FAM13A: variants seen among roughly 807,000 people sequenced by gnomAD.
FAM13A encodes family with sequence similarity 13 member A.
A neutral mutation model predicts 129.6 loss-of-function variants in FAM13A; 76 were observed. The observed-to-expected ratio is 0.59, with a 90% confidence interval of 0.49 to 0.71. The LOEUF is 0.71. Ranked by LOEUF, FAM13A falls within the 30% of genes least tolerant of loss-of-function variation. FAM13A has a pLI of 0.00. For synonymous variants in FAM13A, 443 were observed against 449.9 expected, an observed-to-expected ratio of 0.98 and a Z score of 0.20; for missense variants, 1,108 against 1,249.3, an observed-to-expected ratio of 0.89 and a Z score of 1.70.
chr4:88,997,677 T>A (rs184222537), intron 3 of FAM13A, among the ~76,000 whole-genome samples: 1 of 152,320 alleles, frequency 6.6e-6, no homozygotes, highest in East Asian at 1.9e-4. Flanking sequence ...GCCTGGACTT[T>A]TCAATGACCA....
chr4:89,010,916 T>A (rs1384552841), intron 3 of FAM13A, among the ~76,000 whole-genome samples: 1 of 152,130 alleles, frequency 6.6e-6, no homozygotes, highest in Non-Finnish European at 1.5e-5. Context: ...TGGTGCGATC[T>A]CGGTTCACTG....
intron 6 of FAM13A, among the ~76,000 whole-genome samples, chr4:88,853,869 ATCTTTC>A (rs1738040389): frequency 6.6e-6 from 1 of 152,198 alleles, no homozygotes; most frequent in Non-Finnish European, 1.5e-5. Context: ...TCAAGCCTCC[ATCTTTC>A]TCCTGTGCTG....
At chr4:88,873,630 G>A (rs1741829481) in intron 6 of FAM13A, among the ~76,000 whole-genome samples, 2 of 152,168 alleles carry the variant, frequency 1.3e-5, no homozygotes, top group Admixed American at 1.3e-4. Flanking sequence ...AACAGCCTCT[G>A]AAATTGAGGC....
chr4:88,852,886 A>G (rs1162989050), intron 6 of FAM13A, among the ~76,000 whole-genome samples: 1 of 152,318 alleles, frequency 6.6e-6, no homozygotes, highest in Admixed American at 6.5e-5. Context: ...TATAAAAACA[A>G]TATATGAAGA....
At chr4:88,806,407 AAAGAG>A (rs2149754358) in intron 7 of FAM13A, among the ~76,000 whole-genome samples, 1 of 152,254 alleles carries the variant, frequency 6.6e-6, no homozygotes, top group South Asian at 2.1e-4. Flanking sequence ...TCATTCATGA[AAAGAG>A]AAAAGTCTGC....
At chr4:89,015,446 AT>A (rs1766353354) in intron 3 of FAM13A, among the ~76,000 whole-genome samples, 1 of 152,104 alleles carries the variant, frequency 6.6e-6, no homozygotes, top group Non-Finnish European at 1.5e-5. Context: ...CAGCTTTAAA[AT>A]TTCTCTCTTT....
chr4:88,901,455 C>T (rs966486723), intron 6 of FAM13A, among the ~76,000 whole-genome samples: 2 of 152,132 alleles, frequency 1.3e-5, no homozygotes, highest in Non-Finnish European at 2.9e-5. Context: ...GACCACAGTG[C>T]AATCAAATTA....
intron 6 of FAM13A, among the ~76,000 whole-genome samples, chr4:88,883,492 C>T (rs1034974552): frequency 6.6e-6 from 1 of 151,994 alleles, no homozygotes; most frequent in South Asian, 2.1e-4. Context: ...CCTATCAAAA[C>T]CTCTGTAATA....
chr4:88,996,306 T>C (rs1763533138), intron 3 of FAM13A, among the ~76,000 whole-genome samples: 1 of 152,218 alleles, frequency 6.6e-6, no homozygotes. Context: ...GCTGCTCTGC[T>C]GAGTCTAGAC....
intron 1 of FAM13A, chr4:89,029,885 G>C: frequency 5.7e-6 from 3 of 528,328 alleles, no homozygotes; most frequent in Admixed American, 7.9e-5. Context: ...GCAGCTAAGA[G>C]AGGGAGCAAT....
At chr4:88,983,251 A>C (rs1466922338) in intron 4 of FAM13A, among the ~76,000 whole-genome samples, 1 of 152,184 alleles carries the variant, frequency 6.6e-6, no homozygotes, top group Non-Finnish European at 1.5e-5. Context: ...AATAATAGTG[A>C]AAATGAGGAG....
chr4:88,920,926 T>C (rs7698458), intron 5 of FAM13A, among the ~76,000 whole-genome samples: 113,801 of 152,006 alleles, frequency 0.75, 42,900 homozygotes, highest in Non-Finnish European at 0.79. Flanking sequence ...GGAGCCGATG[T>C]GATCAACTGG....
chr4:89,033,407 T>A (rs973995304), intron 1 of FAM13A, among the ~76,000 whole-genome samples: 1 of 152,088 alleles, frequency 6.6e-6, no homozygotes, highest in Non-Finnish European at 1.5e-5. Context: ...GCCAGTAAAG[T>A]GCTCCAGTTC....
In FAM13A at chr4:89,056,825, C is replaced by CA; in HGVS notation, c.27+112_27+113insT. ...AATTTAAGTAACAAATCTTTCCCCACCTCCTGGGAAGGAAAAATAAGTTAC... is the reference window on the plus strand; with the variant it reads ...AATTTAAGTAACAAATCTTTCCCCACACTCCTGGGAAGGAAAAATAAGTTAC... On this transcript the variant is annotated intron_variant, in intron 1 of 23. Coordinates refer to ENST00000264344, the MANE Select transcript of FAM13A (RefSeq NM_014883.4). 3.8e-6 allele frequency: 4 copies of CA among 1,043,438 alleles called. 1 individual carries two copies. Among genetic ancestry groups the CA allele is most frequent in the Non-Finnish European group, 5.7e-6 (4 of 700,042 alleles). 64.6% of individuals were successfully genotyped at this position (1,043,438 alleles called of 1,614,324 possible).
intron 4 of FAM13A, among the ~76,000 whole-genome samples, chr4:88,961,288 C>A (rs1240280151): frequency 6.7e-6 from 1 of 149,060 alleles, no homozygotes; most frequent in Admixed American, 6.7e-5. Flanking sequence ...ACAAATAATA[C>A]CTATATTTGC....
At position 88,787,892 on chromosome 4, in the gene FAM13A, G is replaced by T. The variant is rs1416447770; in HGVS notation, c.1132C>A (p.Leu378Ile). 1.2e-6 allele frequency: 2 copies of T among 1,613,440 alleles called. No individual in the cohort carries two copies. The highest frequency in any genetic ancestry group is 1.7e-6 in the Non-Finnish European group (2 of 1,179,622). Reference protein sequence around the residue: ...RTIRSAVEQHLFDVNNSGGQS... With the variant: ...RTIRSAVEQHIFDVNNSGGQS... ...CCTCCAGAGTTATTAACATCAAAAA[G>T]ATGTTGTTCTACAGCTGATCGGATG... The change falls in exon 10 of 24, where the codon CTT (leucine) becomes ATT (isoleucine). Residue 378 changes from leucine (L) to isoleucine (I), a missense_variant. Transcript: ENST00000264344.
chr4:88,937,758 A>C, intron 5 of FAM13A: 1 of 344,126 alleles, frequency 2.9e-6, no homozygotes, highest in Non-Finnish European at 5.3e-6. Flanking sequence ...TCCTGATCAC[A>C]GCCATATGCA....
chr4:89,009,247 C>T (rs1317073689), intron 3 of FAM13A, among the ~76,000 whole-genome samples: 2 of 152,180 alleles, frequency 1.3e-5, no homozygotes, highest in African/African-American at 4.8e-5. Context: ...GCCTGAGTCA[C>T]GTAGCATGCA....
chr4:88,867,088 G>A (rs1740590274), intron 6 of FAM13A, among the ~76,000 whole-genome samples: 1 of 152,186 alleles, frequency 6.6e-6, no homozygotes, highest in African/African-American at 2.4e-5. Flanking sequence ...TGCCCCTAGA[G>A]GAAATACAGG....
Sources: gnomAD v4.1 joint callset for allele counts (sites outside exome capture counted in the v4.1 genomes callset) on GRCh38, gnomAD v4.1.1 for gene constraint, MANE v1.5 for transcripts, NCBI Gene and HGNC (gene_info 2026-07-23, HGNC 2026-07-21) for gene names.